Variants in NOS1 observed in about 807,000 individuals in gnomAD.
NOS1 encodes nitric oxide synthase 1.
A neutral mutation model predicts 164.5 loss-of-function variants in NOS1; 51 were observed. That is an observed-to-expected ratio of 0.31 (90% confidence interval 0.25 to 0.39). The LOEUF is 0.39. Among genes scored for constraint, NOS1 ranks in the 10% least tolerant of loss-of-function variants. The probability of loss-of-function intolerance (pLI) is 1.00; values close to 1 mark genes in which losing one functional copy is unlikely to be tolerated. For missense variants in NOS1, 1,362 were observed against 1,885.6 expected (o/e 0.72, Z 5.14); for synonymous variants, 719 against 745.8 (o/e 0.96, Z 0.59).
At chr12:117,285,425 A>C in intron 6 of NOS1, 93 bp from the exon 7 acceptor site, 1 of 659,048 alleles carries the variant, frequency 1.5e-6, no homozygotes, top group Non-Finnish European at 2.5e-6. Context: ...CCCAGATCCC[A>C]CTCCAGCTGC....
intron 24 of NOS1, among the ~76,000 whole-genome samples, chr12:117,225,528 G>T (rs1369122729): frequency 6.6e-6 from 1 of 152,156 alleles, no homozygotes; most frequent in Non-Finnish European, 1.5e-5. Flanking sequence ...TGTGAGTTGT[G>T]ACAACTCATA....
At chr12:117,310,157 C>T (rs1220860189) in intron 3 of NOS1, among the ~76,000 whole-genome samples, 1 of 152,210 alleles carries the variant, frequency 6.6e-6, no homozygotes, top group Non-Finnish European at 1.5e-5. Context: ...ATCCTCCTGC[C>T]TCGGCCTTCC....
At chr12:117,309,910 T>C (rs1030936976) in intron 3 of NOS1, among the ~76,000 whole-genome samples, 1 of 152,134 alleles carries the variant, frequency 6.6e-6, no homozygotes, top group African/African-American at 2.4e-5. Context: ...TTCTATTTTG[T>C]TTTTTTGAGA....
intron 2 of NOS1, among the ~76,000 whole-genome samples, chr12:117,318,217 T>C (rs73405477): frequency 0.014 from 2,132 of 152,156 alleles, 47 homozygotes; most frequent in African/African-American, 0.049. Flanking sequence ...CCTAGAGAGT[T>C]TGAGTAGTGG....
chr12:117,321,564 A>G (rs1249602759), intron 2 of NOS1, among the ~76,000 whole-genome samples: 2 of 152,160 alleles, frequency 1.3e-5, no homozygotes, highest in African/African-American at 2.4e-5. Flanking sequence ...GGGAGAGGGT[A>G]CAAAGCGAGA....
chr12:117,253,819 G>T (rs1871260997), intron 16 of NOS1, 65 bp from the exon 17 acceptor site: 1 of 1,083,014 alleles, frequency 9.2e-7, no homozygotes, highest in Non-Finnish European at 1.4e-6. Context: ...CAACACCCTT[G>T]ATGGATCTTC....
At chr12:117,289,520 C>T (rs1448173960) in intron 4 of NOS1, among the ~76,000 whole-genome samples, 1 of 152,132 alleles carries the variant, frequency 6.6e-6, no homozygotes, top group Non-Finnish European at 1.5e-5. Context: ...TAGGAGCACT[C>T]TTTATTGTTT....
At chr12:117,303,126 T>C (rs187907324) in intron 3 of NOS1, among the ~76,000 whole-genome samples, 4 of 152,256 alleles carry the variant, frequency 2.6e-5, no homozygotes, top group Non-Finnish European at 5.9e-5. Context: ...CTAGGTTGTC[T>C]CCAAGAGGCA....
At chr12:117,328,779 G>A (rs984131159) in intron 2 of NOS1, among the ~76,000 whole-genome samples, 2 of 152,130 alleles carry the variant, frequency 1.3e-5, no homozygotes, top group Non-Finnish European at 2.9e-5. Flanking sequence ...CCTAACAGAC[G>A]GTCATGCATC....
chr12:117,317,963 G>A (rs1438722225), intron 2 of NOS1, among the ~76,000 whole-genome samples: 1 of 152,176 alleles, frequency 6.6e-6, no homozygotes, highest in East Asian at 1.9e-4. Context: ...CTTGAGCCCA[G>A]GAGTTCCAGA....
chr12:117,342,440 G>A (rs573260099), intron 1 of NOS1, among the ~76,000 whole-genome samples: 16 of 152,176 alleles, frequency 1.1e-4, no homozygotes, highest in Non-Finnish European at 1.6e-4. Context: ...AGGCTTCCTG[G>A]AGGAAGAGTC....
chr12:117,208,233 A>G lies in NOS1; in HGVS notation c.*7076T>C. On this transcript the variant is annotated 3_prime_UTR_variant, in exon 29 of 29. Transcript: ENST00000317775. ...TAAAATTGGAAGATGAGAACTATACAGAAGAAGAGCATGCGACAAACACAG... is the reference window on the plus strand; with the variant it reads ...TAAAATTGGAAGATGAGAACTATACGGAAGAAGAGCATGCGACAAACACAG... 8.0e-7 allele frequency: 1 copy of G among 1,246,598 alleles called. No individual in the cohort carries two copies. Among genetic ancestry groups the G allele is most frequent in the South Asian group, 1.3e-5 (1 of 76,270 alleles). The allele number at this position is 1,246,598 out of a possible 1,614,324, so 77.2% of individuals were successfully genotyped here.
Position 117,244,605 on chromosome 12 carries a change from A to G in NOS1, c.2824-1170T>C, listed in dbSNP as rs9658471. On this transcript the variant is annotated intron_variant, in intron 18 of 28. Transcript: ENST00000317775. ...CAAAATAATGATAACTTTTAAGAGT[A>G]GTTTTTACCATTGTTTGACCTCATG... is the stretch of plus-strand genomic sequence containing the variant. Among the ~76,000 whole-genome samples the G allele has an allele frequency of 8.9e-3, 1,361 of 152,362 alleles. 22 individuals carry two copies. The highest frequency in any genetic ancestry group is 0.031 in the African/African-American group (1,302 of 41,582).
At chr12:117,287,675 G>A (rs1872798584) in intron 5 of NOS1, among the ~76,000 whole-genome samples, 2 of 152,218 alleles carry the variant, frequency 1.3e-5, no homozygotes, top group African/African-American at 2.4e-5. Context: ...TTGGGCTCAA[G>A]CAATCTGCCC....
rs556704033 is a variant in NOS1 at position 117,257,682 on chromosome 12, C to T, written c.2531+715G>A. ...CCTCAAATTCCTGGGGCCAAGTGAT[C>T]CTTCTGGCTCAGCCTCCAGAGTAGC... On this transcript the variant is annotated intron_variant, in intron 16 of 28. Coordinates refer to ENST00000317775, the MANE Select transcript of NOS1 (RefSeq NM_000620.5). Among the ~76,000 whole-genome samples, 167 of 142,278 alleles carry T rather than the reference C, an allele frequency of 1.2e-3. 1 individual carries two copies. Among genetic ancestry groups the T allele is most frequent in the African/African-American group, 3.6e-3 (137 of 37,986 alleles). 93.3% of individuals were successfully genotyped at this position (142,278 alleles called of 152,430 possible).
At chr12:117,239,408 C>T (rs1869983436) in intron 20 of NOS1, among the ~76,000 whole-genome samples, 2 of 152,244 alleles carry the variant, frequency 1.3e-5, no homozygotes, top group South Asian at 4.1e-4. Context: ...CTACACCCCA[C>T]ACATTAGCGA....
chr12:117,258,298 G>T, intron 16 of NOS1, 99 bp downstream of exon 16: 1 of 1,183,636 alleles, frequency 8.4e-7, no homozygotes, highest in Non-Finnish European at 1.2e-6. Context: ...TCAGATTACA[G>T]CCACCATCCA....
Position 117,253,710 on chromosome 12 carries a change from G to C in NOS1, c.2576C>G (p.Ser859Cys). The change falls in exon 17 of 29, where the codon TCC (serine) becomes TGC (cysteine). Residue 859 changes from serine (S) to cysteine (C), a missense_variant. Physicochemically the swap from Ser to Cys is moderately radical, Grantham distance 112. This residue lies in a region of NOS1 where 737 missense variants were observed against 1,030.3 expected (regional missense o/e 0.72). Coordinates refer to ENST00000317775, the MANE Select transcript of NOS1 (RefSeq NM_000620.5). ...GGGCCCATCGCCTGATGATTTTTGG[G>C]AGTCAGAGTAGGAGGAGACGCTGTT... ...RFNSVSSYSD[S>C]QKSSGDGPDL... The C allele has an allele frequency of 6.2e-7, 1 of 1,614,034 alleles. No homozygotes were observed. The highest frequency in any genetic ancestry group is 1.3e-5 in the African/African-American group (1 of 74,990).
At position 117,330,968 on chromosome 12, in the gene NOS1, C is replaced by T. The variant is rs1315410816; in HGVS notation, c.102G>A (p.Glu34=). Residue 34 remains glutamate (E), a synonymous_variant, in exon 2 of 29, where the codon GAG becomes GAA. Coordinates refer to ENST00000317775, the MANE Select transcript of NOS1 (RefSeq NM_000620.5). The surrounding 1 kb of genome is among the most constrained non-coding windows in gnomAD (Gnocchi z 4.6). ...KVGGLGFLVK[E]RVSKPPVIIS... is the part of the protein sequence containing the mutation. ...TGATCACGGGCGGCTTACTGACCCG[C>T]TCCTTCACCAGAAATCCCAGGCCCC... is the stretch of plus-strand genomic sequence containing the variant. The T allele has an allele frequency of 1.2e-6, 2 of 1,614,224 alleles. No homozygotes were observed. The highest frequency in any genetic ancestry group is 1.1e-5 in the South Asian group (1 of 91,088).
Sources: allele counts gnomAD v4.1 joint callset (sites outside exome capture counted in the v4.1 genomes callset), GRCh38; gene constraint gnomAD v4.1.1; regional missense constraint gnomAD v4.1.1; non-coding constraint Gnocchi (gnomAD v3.1); transcripts MANE v1.5; gene names NCBI Gene and HGNC (gene_info 2026-07-23, HGNC 2026-07-21).